TCP10L: variants seen among roughly 807,000 people sequenced by gnomAD.
The protein encoded by TCP10L is T-complex protein 10A homolog 1.
A neutral mutation model predicts 19.2 loss-of-function variants in TCP10L; 11 were observed. The ratio of observed to expected loss-of-function variants is 0.57; its 90% CI spans 0.36 to 0.95. The LOEUF is 0.95. TCP10L is among the 40% of genes least tolerant of loss of function. The pLI is 0.01. For synonymous variants in TCP10L, 96 were observed against 97.2 expected, an observed-to-expected ratio of 0.99 and a Z score of 0.07; for missense variants, 247 against 263.9, an observed-to-expected ratio of 0.94 and a Z score of 0.44.
chr21:32,576,380 G>A lies in TCP10L; in HGVS notation c.*394C>T, dbSNP rs916686734. ...TCACAAGGTCCCTGGAGCGGGCAAT[G>A]CCTTGAGCCCAAAGGCTGGGAGCAC... On this transcript the variant is annotated 3_prime_UTR_variant, in exon 5 of 5. Transcript: ENST00000300258. The A allele has an allele frequency of 1.2e-5, 14 of 1,162,474 alleles. No homozygotes were observed. In the African/African-American group the frequency reaches 1.9e-4, roughly 15 times the overall value. 72.0% of individuals were successfully genotyped at this position (1,162,474 alleles called of 1,614,324 possible). A position where few individuals can be genotyped will look rare whatever the true frequency, so the allele number is the denominator to read the frequency against.
rs1180086997 is a variant in TCP10L at position 32,582,678 on chromosome 21, A to G, written c.145-263T>C. Among the ~76,000 whole-genome samples the G allele has an allele frequency of 1.3e-5, 2 of 150,258 alleles. No homozygotes were observed. The highest frequency in any genetic ancestry group is 4.0e-4 in the East Asian group (2 of 4,974). On this transcript the variant is annotated intron_variant, in intron 2 of 4. Coordinates refer to ENST00000300258, the MANE Select transcript of TCP10L (RefSeq NM_144659.7). This position sits in a 1 kb window ranked among gnomAD's most constrained non-coding sequence, Gnocchi z 4.2. ...CATGATCTCAGCTCACTGAAGCTTCAACTTGATGAGCTCAAGCGATCCTCC... is the reference window on the plus strand; with the variant it reads ...CATGATCTCAGCTCACTGAAGCTTCGACTTGATGAGCTCAAGCGATCCTCC...
Sources: gnomAD v4.1 joint callset for allele counts (sites outside exome capture counted in the v4.1 genomes callset) on GRCh38, gnomAD v4.1.1 for gene constraint, Gnocchi (gnomAD v3.1) non-coding constraint, MANE v1.5 for transcripts, NCBI Gene and HGNC (gene_info 2026-07-23, HGNC 2026-07-21) for gene names.